GRIK4: variants seen among roughly 807,000 people sequenced by gnomAD.
The protein encoded by GRIK4 is glutamate receptor ionotropic, kainate 4.
Under a neutral mutation model 104.9 loss-of-function variants are expected in GRIK4, and 40 were observed. The ratio of observed to expected loss-of-function variants is 0.38; its 90% CI spans 0.30 to 0.50. GRIK4 has a LOEUF of 0.50. Among genes scored for constraint, GRIK4 ranks in the 20% least tolerant of loss-of-function variants. The pLI is 0.93. For missense variants in GRIK4, 1,047 were observed against 1,308.1 expected, an observed-to-expected ratio of 0.80 and a Z score of 3.08; for synonymous variants, 485 against 524.9, an observed-to-expected ratio of 0.92 and a Z score of 1.04.
intron 1 of GRIK4, among the ~76,000 whole-genome samples, chr11:120,623,037 A>G (rs1949209380): frequency 6.6e-6 from 1 of 152,202 alleles, no homozygotes; most frequent in Non-Finnish European, 1.5e-5. Context: ...GAATTTTTAC[A>G]GATTCAGTGT....
chr11:120,691,996 A>G (rs1950372524), intron 3 of GRIK4, among the ~76,000 whole-genome samples: 1 of 152,150 alleles, frequency 6.6e-6, no homozygotes, highest in Non-Finnish European at 1.5e-5. Context: ...CCCTCCTATG[A>G]TGTGCATGTG....
intron 3 of GRIK4, 64 bp downstream of exon 3, chr11:120,660,464 G>A (rs1293184749): frequency 3.2e-6 from 4 of 1,260,058 alleles, no homozygotes; most frequent in African/African-American, 1.5e-5. Context: ...CAAGGGACAT[G>A]AGAGTGCTGC....
At position 120,875,232 on chromosome 11, in the gene GRIK4, G is replaced by C. The variant is rs962668295; in HGVS notation, c.1153G>C (p.Gly385Arg). Reference protein sequence around the residue: ...ALKILQFTRNGFRQIGQWHVA... With the variant: ...ALKILQFTRNRFRQIGQWHVA... ...GAAAATCTTACAGTTCACAAGGAAT[G>C]GTTTTCGGCAGGTAAGCCTAGCTGC... is the stretch of plus-strand genomic sequence containing the variant. The change falls in exon 11 of 21, where the codon GGT becomes CGT. Residue 385 changes from glycine to arginine, a missense_variant. Gly to Arg is a moderately radical substitution (Grantham distance 125, BLOSUM62 -2). This residue lies in a region of GRIK4 where 447 missense variants were observed against 514.9 expected (regional missense o/e 0.87). Coordinates refer to ENST00000527524, the MANE Select transcript of GRIK4 (RefSeq NM_014619.5). 8 of 1,609,472 alleles carry C rather than the reference G, an allele frequency of 5.0e-6. No individual in the cohort carries two copies. Among genetic ancestry groups the C allele is most frequent in the Non-Finnish European group, 6.8e-6 (8 of 1,175,864 alleles).
intron 13 of GRIK4, among the ~76,000 whole-genome samples, chr11:120,917,321 A>G (rs953773980): frequency 7.2e-5 from 11 of 151,732 alleles, no homozygotes; most frequent in Non-Finnish European, 1.5e-4. Flanking sequence ...AAAGAAAGCC[A>G]GGCTTTCCAT....
At chr11:120,869,033 A>G (rs935664902) in intron 9 of GRIK4, 1 of 152,344 alleles carries the variant, frequency 6.6e-6, no homozygotes, top group African/African-American at 2.4e-5. Flanking sequence ...AACAAGGTGG[A>G]AAAATTGATG....
intron 3 of GRIK4, among the ~76,000 whole-genome samples, chr11:120,757,754 G>A (rs988180974): frequency 9.2e-5 from 14 of 152,166 alleles, no homozygotes; most frequent in Non-Finnish European, 1.5e-4. Flanking sequence ...AGTTATCTGC[G>A]GAGGAGAGTT....
At chr11:120,656,844 ACT>A (rs754300969) in intron 2 of GRIK4, among the ~76,000 whole-genome samples, 2 of 151,952 alleles carry the variant, frequency 1.3e-5, no homozygotes, top group Non-Finnish European at 2.9e-5. Flanking sequence ...ACAGAGCAAG[ACT>A]CTGTCTCAAA....
intron 3 of GRIK4, among the ~76,000 whole-genome samples, chr11:120,790,469 A>T (rs3133860): frequency 0.18 from 27,569 of 152,068 alleles, 3,141 homozygotes; most frequent in African/African-American, 0.31. Context: ...TAGGATTTGG[A>T]CATGGGTTTT....
intron 1 of GRIK4, among the ~76,000 whole-genome samples, chr11:120,613,382 G>A (rs1949062396): frequency 6.6e-6 from 1 of 152,190 alleles, no homozygotes; most frequent in Non-Finnish European, 1.5e-5. Flanking sequence ...AAGGGAAGGG[G>A]GGCTGTCTGC....
intron 1 of GRIK4, among the ~76,000 whole-genome samples, chr11:120,585,109 T>C (rs1948642142): frequency 6.6e-6 from 1 of 152,214 alleles, no homozygotes; most frequent in South Asian, 2.1e-4. Context: ...CCTCTTTAAT[T>C]TTTTGGAATA....
At chr11:120,629,339 T>A (rs1949303671) in intron 1 of GRIK4, among the ~76,000 whole-genome samples, 1 of 152,166 alleles carries the variant, frequency 6.6e-6, no homozygotes, top group Non-Finnish European at 1.5e-5. Flanking sequence ...ACAGTATCTA[T>A]CTCCTAAGGT....
At position 120,819,605 on chromosome 11, in the gene GRIK4, G is replaced by A. The variant is rs990344726; in HGVS notation, c.346-150G>A. The A allele has an allele frequency of 1.3e-5, 9 of 694,884 alleles. No homozygotes were observed. Among genetic ancestry groups the A allele is most frequent in the East Asian group, 7.5e-5 (3 of 39,950 alleles). 43.0% of individuals were successfully genotyped at this position (694,884 alleles called of 1,614,324 possible). On this transcript the variant is annotated intron_variant, in intron 5 of 20. Transcript: ENST00000527524. This position sits in a 1 kb window ranked among gnomAD's most constrained non-coding sequence, Gnocchi z 4.3. Reference sequence around the variant, plus strand: ...TCGCTCGTCTTCCTCCCACGGAGTGGGTGCCCTGGGAGCTCCTTCTCCCAT... The same window carrying A: ...TCGCTCGTCTTCCTCCCACGGAGTGAGTGCCCTGGGAGCTCCTTCTCCCAT...
At chr11:120,712,177 G>C (rs1950745800) in intron 3 of GRIK4, among the ~76,000 whole-genome samples, 1 of 152,202 alleles carries the variant, frequency 6.6e-6, no homozygotes, top group Non-Finnish European at 1.5e-5. Context: ...TGGGGTGCAG[G>C]GGCACCCAGC....
intron 3 of GRIK4, among the ~76,000 whole-genome samples, chr11:120,763,720 G>A (rs1951787908): frequency 6.6e-6 from 1 of 152,192 alleles, no homozygotes. Context: ...TCATTCAGGA[G>A]CAGGTTGTTC....
rs1389864213 is a variant in GRIK4, at chr11:120,831,932, C to T, written c.592C>T (p.Arg198Trp). Residue 198 changes from arginine (R) to tryptophan (W), a missense_variant, in exon 7 of 21, where the codon CGG becomes TGG. Around this residue, in one of 3 missense-constraint regions of GRIK4, gnomAD observed 447 missense variants for 514.9 expected, o/e 0.87. Coordinates refer to ENST00000527524, the MANE Select transcript of GRIK4 (RefSeq NM_014619.5). ...TLSVRMLDDT[R>W]DPTPLLKEIR... ...GTCCGTCCGCATGCTGGATGACACC[C>T]GGGACCCCACCCCGCTCCTCAAGGA... 1.2e-5 allele frequency: 20 copies of T among 1,613,726 alleles called. 1 individual carries two copies. The highest frequency in any genetic ancestry group is 1.7e-5 in the Admixed American group (1 of 60,006).
At chr11:120,898,386 C>T (rs1400395378) in intron 11 of GRIK4, 146 bp from the exon 12 acceptor site, 2 of 571,540 alleles carry the variant, frequency 3.5e-6, no homozygotes, top group African/African-American at 1.9e-5. Flanking sequence ...GAAACAGTCT[C>T]CCTTCTGCAG....
intron 9 of GRIK4, among the ~76,000 whole-genome samples, chr11:120,862,436 T>C (rs1267069224): frequency 6.6e-6 from 1 of 152,118 alleles, no homozygotes; most frequent in African/African-American, 2.4e-5. Flanking sequence ...CAAGAATCGG[T>C]TGGAAGGGCC....
At chr11:120,650,761 A>G (rs1007650402) in intron 1 of GRIK4, among the ~76,000 whole-genome samples, 3 of 152,242 alleles carry the variant, frequency 2.0e-5, no homozygotes, top group African/African-American at 2.4e-5. Flanking sequence ...GTATAAATGT[A>G]TAGTGGCATT....
At chr11:120,668,101 GGATAGATA>G (rs60323501) in intron 3 of GRIK4, among the ~76,000 whole-genome samples, 8,058 of 144,124 alleles carry the variant, frequency 0.056, 197 homozygotes, top group Non-Finnish European at 0.064. Context: ...ATAGATAGAT[GGATAGATA>G]GATAGATAGA....
Sources: gnomAD v4.1 joint callset for allele counts (sites outside exome capture counted in the v4.1 genomes callset) on GRCh38, gnomAD v4.1.1 for gene constraint, gnomAD v4.1.1 regional missense constraint, Gnocchi (gnomAD v3.1) non-coding constraint, MANE v1.5 for transcripts, NCBI Gene and HGNC (gene_info 2026-07-23, HGNC 2026-07-21) for gene names.